Variants in PEPD observed in about 807,000 individuals in gnomAD.
PEPD encodes peptidase D.
Under a neutral mutation model 60.7 loss-of-function variants are expected in PEPD, and 53 were observed. The ratio of observed to expected loss-of-function variants is 0.87; its 90% CI spans 0.70 to 1.10. PEPD has a LOEUF of 1.10. PEPD is among the 50% of genes least tolerant of loss of function. The pLI is 0.00. For missense variants in PEPD, 711 were observed against 711.9 expected (o/e 1.00, Z 0.01); for synonymous variants, 267 against 284.1 (o/e 0.94, Z 0.60).
At chr19:33,388,523 A>G (rs575702397) in intron 13 of PEPD, 32 of 295,974 alleles carry the variant, frequency 1.1e-4, no homozygotes, top group South Asian at 1.1e-3. Context: ...AGGCAGCCCA[A>G]GTAGAAACTG....
intron 9 of PEPD, among the ~76,000 whole-genome samples, chr19:33,440,320 T>A (rs76633500): frequency 0.011 from 1,668 of 152,234 alleles, 25 homozygotes; most frequent in South Asian, 0.071. Flanking sequence ...GATGGGCTGC[T>A]GAGTCCTGCT....
At position 33,512,674 on chromosome 19, in the gene PEPD, C is replaced by T. The variant is rs1487991793; in HGVS notation, c.120G>A (p.Val40=). ...LCERLRKNPA[V]QAGSIVVLQG... ...GCAGGACCACGATGGAGCCGGCCTG[C>T]ACAGCAGGGTTCTTCCGCAGCCGCT... The change falls in exon 2 of 15, where the codon GTG becomes GTA. Residue 40 remains valine, a synonymous_variant. Transcript: ENST00000244137. 3 of 1,613,896 alleles carry T rather than the reference C, an allele frequency of 1.9e-6. No homozygotes were observed. In the African/African-American group the frequency reaches 4.0e-5, roughly 22 times the overall value.
At chr19:33,517,602 G>A in intron 1 of PEPD, among the ~76,000 whole-genome samples, 1 of 151,832 alleles carries the variant, frequency 6.6e-6, no homozygotes, top group East Asian at 1.9e-4. Flanking sequence ...CTGATGCCGA[G>A]AATGGTACGT....
At chr19:33,412,530 C>T (rs1284628244) in intron 10 of PEPD, among the ~76,000 whole-genome samples, 1 of 152,144 alleles carries the variant, frequency 6.6e-6, no homozygotes, top group African/African-American at 2.4e-5. Flanking sequence ...AGGATCCTCG[C>T]TCCTCTGCCT....
At chr19:33,454,462 C>T (rs1202329220) in intron 9 of PEPD, among the ~76,000 whole-genome samples, 1 of 151,858 alleles carries the variant, frequency 6.6e-6, no homozygotes, top group African/African-American at 2.4e-5. Flanking sequence ...ATTAGCTGGG[C>T]ATGGTGGTGG....
intron 7 of PEPD, among the ~76,000 whole-genome samples, chr19:33,468,414 G>A (rs972582578): frequency 7.2e-5 from 11 of 152,236 alleles, no homozygotes; most frequent in Non-Finnish European, 1.5e-4. Context: ...TCTGTCAAAG[G>A]GCACCTCTCC....
At position 33,387,042 on chromosome 19, in the gene PEPD, A is replaced by T. The variant is rs989786562; in HGVS notation, c.*302T>A. 4.7e-6 allele frequency: 2 copies of T among 424,140 alleles called. No homozygotes were observed. The highest frequency in any genetic ancestry group is 4.3e-6 in the Non-Finnish European group (1 of 235,170). The allele number at this position is 424,140 out of a possible 1,614,324, so 26.3% of individuals were successfully genotyped here. ...AAATGCTTCTTTCCTGGGAAAAGGA[A>T]TATAAATGACAGCAAGACACATTTT... On this transcript the variant is annotated 3_prime_UTR_variant, in exon 15 of 15. Coordinates refer to ENST00000244137, the MANE Select transcript of PEPD (RefSeq NM_000285.4).
In PEPD at chr19:33,490,032, C is replaced by G. The variant is rs753594214; in HGVS notation, c.467G>C (p.Ser156Thr). The change falls in exon 6 of 15, where the codon AGT becomes ACT. Residue 156 changes from serine to threonine, a missense_variant. Ser to Thr is a moderately conservative substitution (Grantham distance 58). Transcript: ENST00000244137. ...GTCAAAGGAGGCCTCCCTGCAGACA[C>G]TGCCGCTGTCCGTGTTGACGCCACG... ...TLRGVNTDSGSVCREASFDGI... is the reference protein window; with the variant it reads ...TLRGVNTDSGTVCREASFDGI... 2.5e-6 allele frequency: 4 copies of G among 1,612,674 alleles called. No homozygotes were observed. The South Asian group carries it at 4.4e-5, about 18-fold the overall frequency.
At chr19:33,420,789 A>C (rs1968998723) in intron 9 of PEPD, among the ~76,000 whole-genome samples, 1 of 152,102 alleles carries the variant, frequency 6.6e-6, no homozygotes. Context: ...ACATACATAC[A>C]GAAAAGAACT....
At chr19:33,448,538 TC>T (rs35026918) in intron 9 of PEPD, among the ~76,000 whole-genome samples, 3 of 152,106 alleles carry the variant, frequency 2.0e-5, no homozygotes, top group African/African-American at 7.2e-5. Flanking sequence ...TCTTTTTTTT[TC>T]CCCAGAGCTC....
At chr19:33,487,330 C>G (rs757281610) in intron 6 of PEPD, 1 of 152,416 alleles carries the variant, frequency 6.6e-6, no homozygotes, top group African/African-American at 2.4e-5. Context: ...GGCCCCATGT[C>G]AAGGCCCACG....
intron 7 of PEPD, among the ~76,000 whole-genome samples, chr19:33,476,704 C>T (rs1480621909): frequency 2.0e-5 from 3 of 152,082 alleles, no homozygotes; most frequent in Non-Finnish European, 2.9e-5. Flanking sequence ...TGCTCTGTCG[C>T]CCAGGCTGGA....
At chr19:33,442,147 C>T (rs568673076) in intron 9 of PEPD, among the ~76,000 whole-genome samples, 1 of 152,290 alleles carries the variant, frequency 6.6e-6, no homozygotes, top group Admixed American at 6.5e-5. Context: ...GCCTGTAATC[C>T]CAGCACTTTA....
chr19:33,446,217 C>T (rs1335312970), intron 9 of PEPD, among the ~76,000 whole-genome samples: 1 of 152,158 alleles, frequency 6.6e-6, no homozygotes, highest in African/African-American at 2.4e-5. Flanking sequence ...CCCATCACGG[C>T]AGCCGCCAGA....
At chr19:33,416,157 G>A (rs1198123076) in intron 9 of PEPD, among the ~76,000 whole-genome samples, 1 of 152,198 alleles carries the variant, frequency 6.6e-6, no homozygotes, top group South Asian at 2.1e-4. Flanking sequence ...TGATGCGGAC[G>A]CAACGTGTGC....
intron 4 of PEPD, among the ~76,000 whole-genome samples, chr19:33,498,728 T>C (rs1970654878): frequency 6.7e-6 from 1 of 149,376 alleles, no homozygotes; most frequent in African/African-American, 2.5e-5. Flanking sequence ...CCACAGTCCT[T>C]GAGACAGGGT....
At chr19:33,423,321 G>C (rs140909501) in intron 9 of PEPD, among the ~76,000 whole-genome samples, 22 of 152,358 alleles carry the variant, frequency 1.4e-4, no homozygotes, top group African/African-American at 5.0e-4. Flanking sequence ...CCTGCTGTTA[G>C]AGATGGAGGC....
At chr19:33,387,572 G>T in intron 14 of PEPD, 91 bp from the exon 15 acceptor site, 1 of 1,537,882 alleles carries the variant, frequency 6.5e-7, no homozygotes, top group Non-Finnish European at 8.9e-7. Flanking sequence ...CCCCACCATG[G>T]GATGGGAGCA....
At chr19:33,462,486 C>T (rs565318794) in intron 9 of PEPD, among the ~76,000 whole-genome samples, 86 of 152,320 alleles carry the variant, frequency 5.6e-4, no homozygotes, top group African/African-American at 2.0e-3. Context: ...AGGCCACACC[C>T]GCCACGGCTG....
Sources: allele counts gnomAD v4.1 joint callset (sites outside exome capture counted in the v4.1 genomes callset), GRCh38; gene constraint gnomAD v4.1.1; transcripts MANE v1.5; gene names NCBI Gene and HGNC (gene_info 2026-07-23, HGNC 2026-07-21).